CNTN4: variants seen among roughly 807,000 people sequenced by gnomAD.
CNTN4 encodes the protein contactin-4.
Under a neutral mutation model 122.5 loss-of-function variants are expected in CNTN4, and 77 were observed. That is an observed-to-expected ratio of 0.63 (90% CI 0.52 to 0.76). CNTN4 has a LOEUF of 0.76. CNTN4 is among the 30% of genes least tolerant of loss of function. CNTN4 has a pLI of 0.00. For missense variants in CNTN4, 1,256 were observed against 1,259.1 expected (o/e 1.00, Z 0.04); for synonymous variants, 512 against 447.0 (o/e 1.15, Z -1.83).
At chr3:2,441,935 A>C (rs1447122322) in intron 3 of CNTN4, among the ~76,000 whole-genome samples, 2 of 152,214 alleles carry the variant, frequency 1.3e-5, no homozygotes, top group African/African-American at 4.8e-5. Context: ...ATTTCTGATT[A>C]ACCTTCATTT....
chr3:2,976,587 A>G (rs1693435683), intron 13 of CNTN4, among the ~76,000 whole-genome samples: 1 of 152,100 alleles, frequency 6.6e-6, no homozygotes, highest in Non-Finnish European at 1.5e-5. Flanking sequence ...CTTCCTATTG[A>G]CCTACATTAA....
In CNTN4 at chr3:3,056,751, T is replaced by C. The variant is rs958660341; in HGVS notation, c.*531T>C. The C allele has an allele frequency of 3.2e-5, 5 of 155,238 alleles. No homozygotes were observed. Among genetic ancestry groups the C allele is most frequent in the African/African-American group, 4.8e-5 (2 of 41,470 alleles). 9.6% of individuals were successfully genotyped at this position (155,238 alleles called of 1,614,324 possible). On this transcript the variant is annotated 3_prime_UTR_variant, in exon 25 of 25. Transcript: ENST00000418658. ...CAAGGCTGTTGTATGCAAACTACTC[T>C]TCTAGTGGTTAATGCACTTGACATG...
In CNTN4 at chr3:2,606,665, G is replaced by T. The variant is rs79768579; in HGVS notation, c.55+35107G>T. 5.5e-4 allele frequency among the ~76,000 whole-genome samples: 84 copies of T among 152,174 alleles called. 2 individuals carry two copies. In the East Asian group the frequency reaches 0.015, roughly 27 times the overall value. ...TGTTTTTAAAGTGAAATAAATATTT[G>T]CCCCTCCATGCTCCTACCCCTGCTT... is the stretch of plus-strand genomic sequence containing the variant. On this transcript the variant is annotated intron_variant, in intron 4 of 24. Transcript: ENST00000418658.
chr3:2,125,927 GTATGTGTGTA>G (rs1168102150), intron 2 of CNTN4, among the ~76,000 whole-genome samples: 12 of 135,216 alleles, frequency 8.9e-5, no homozygotes, highest in Admixed American at 4.8e-4. Flanking sequence ...GTGTGTGTGT[GTATGTGTGTA>G]TGTGTGTGTG....
At chr3:2,212,616 G>A (rs1559346665) in intron 2 of CNTN4, among the ~76,000 whole-genome samples, 1 of 152,212 alleles carries the variant, frequency 6.6e-6, no homozygotes, top group East Asian at 1.9e-4. Flanking sequence ...CTTGGCACAT[G>A]AGGCTTATTA....
At chr3:2,200,466 G>T (rs1397765546) in intron 2 of CNTN4, among the ~76,000 whole-genome samples, 1 of 152,138 alleles carries the variant, frequency 6.6e-6, no homozygotes, top group African/African-American at 2.4e-5. Flanking sequence ...GTTTATGTGT[G>T]TTGAGGGGGA....
intron 4 of CNTN4, among the ~76,000 whole-genome samples, chr3:2,612,687 T>C (rs2081551363): frequency 6.6e-6 from 1 of 152,180 alleles, no homozygotes; most frequent in Non-Finnish European, 1.5e-5. Flanking sequence ...ATGAGCTGCA[T>C]TGCTACATAT....
intron 6 of CNTN4, among the ~76,000 whole-genome samples, chr3:2,814,778 T>C (rs1249755499): frequency 6.6e-6 from 1 of 152,198 alleles, no homozygotes; most frequent in Non-Finnish European, 1.5e-5. Context: ...GGCCACTTCC[T>C]AGGCACGTGA....
At chr3:2,420,062 T>G (rs2047558217) in intron 3 of CNTN4, among the ~76,000 whole-genome samples, 1 of 152,130 alleles carries the variant, frequency 6.6e-6, no homozygotes, top group Admixed American at 6.5e-5. Flanking sequence ...AAGTTGTTCC[T>G]CATACAGTGC....
intron 3 of CNTN4, among the ~76,000 whole-genome samples, chr3:2,495,097 A>C (rs779518011): frequency 3.3e-5 from 5 of 152,200 alleles, no homozygotes; most frequent in Non-Finnish European, 5.9e-5. Flanking sequence ...CATCTATTGC[A>C]GAGCAGCTAA....
intron 14 of CNTN4, among the ~76,000 whole-genome samples, chr3:3,003,082 C>T (rs1696211446): frequency 6.6e-6 from 1 of 152,106 alleles, no homozygotes; most frequent in South Asian, 2.1e-4. Context: ...GTATGGCCAC[C>T]AAACACAAGC....
chr3:2,943,500 C>A (rs2094637336), intron 13 of CNTN4, among the ~76,000 whole-genome samples: 1 of 151,692 alleles, frequency 6.6e-6, no homozygotes, highest in African/African-American at 2.4e-5. Flanking sequence ...CTTGATTTAA[C>A]ATCCAGCGTT....
intron 12 of CNTN4, among the ~76,000 whole-genome samples, chr3:2,907,514 A>C (rs1337206517): frequency 6.6e-6 from 1 of 151,728 alleles, no homozygotes; most frequent in African/African-American, 2.4e-5. Flanking sequence ...CAAAGGTTGC[A>C]GTCAGCTAAG....
chr3:2,807,955 G>C (rs987346796), intron 6 of CNTN4, among the ~76,000 whole-genome samples: 1 of 152,084 alleles, frequency 6.6e-6, no homozygotes, highest in Non-Finnish European at 1.5e-5. Flanking sequence ...CTTGAACATC[G>C]ATCTAGTTTC....
intron 3 of CNTN4, among the ~76,000 whole-genome samples, chr3:2,432,727 C>T (rs757779936): frequency 6.6e-6 from 1 of 151,688 alleles, no homozygotes; most frequent in Non-Finnish European, 1.5e-5. Context: ...TGATAATGGA[C>T]ACCAAGATTG....
intron 7 of CNTN4, among the ~76,000 whole-genome samples, chr3:2,849,304 G>A (rs986644980): frequency 2.0e-5 from 3 of 152,198 alleles, no homozygotes; most frequent in African/African-American, 7.2e-5. Context: ...GTTTCAGTTT[G>A]GGATTATGAA....
At chr3:2,128,438 G>A (rs1188129387) in intron 2 of CNTN4, among the ~76,000 whole-genome samples, 1 of 152,134 alleles carries the variant, frequency 6.6e-6, no homozygotes, top group South Asian at 2.1e-4. Context: ...ATAGGGTGAG[G>A]CTTAGAAAGG....
chr3:2,322,737 G>A (rs1165521175), intron 2 of CNTN4, among the ~76,000 whole-genome samples: 1 of 152,170 alleles, frequency 6.6e-6, no homozygotes, highest in East Asian at 1.9e-4. Flanking sequence ...AAAGTGAACA[G>A]AAACTTAGAA....
At chr3:2,740,941 T>C (rs2089422518) in intron 5 of CNTN4, among the ~76,000 whole-genome samples, 1 of 152,226 alleles carries the variant, frequency 6.6e-6, no homozygotes, top group Non-Finnish European at 1.5e-5. Flanking sequence ...ACCAGTGTTT[T>C]TCAAACAGAA....
Sources: allele counts gnomAD v4.1 joint callset (sites outside exome capture counted in the v4.1 genomes callset), GRCh38; gene constraint gnomAD v4.1.1; transcripts MANE v1.5; gene names NCBI Gene and HGNC (gene_info 2026-07-23, HGNC 2026-07-21).